Variants in NAALADL2 observed in about 807,000 individuals in gnomAD.
NAALADL2 encodes N-acetylated alpha-linked acidic dipeptidase like 2.
Under a neutral mutation model 87.2 loss-of-function variants are expected in NAALADL2, and 76 were observed. That is an observed-to-expected ratio of 0.87 (90% confidence interval 0.72 to 1.05). The LOEUF is 1.05. NAALADL2 is among the 50% of genes least tolerant of loss of function. The pLI, the probability that NAALADL2 is intolerant of heterozygous loss-of-function variation, is 0.00. For missense variants in NAALADL2, 1,089 were observed against 945.8 expected (o/e 1.15, Z -1.99); for synonymous variants, 354 against 331.0 (o/e 1.07, Z -0.75).
Position 175,076,879 on chromosome 3 carries a change from C to T in NAALADL2, c.44-19911C>T, listed in dbSNP as rs192538438. Reference sequence around the variant, plus strand: ...ATATTGTTCAAATATAGTTCTATAGCACAAGTGATATGTGTGTGCAGTTTT... The same window carrying T: ...ATATTGTTCAAATATAGTTCTATAGTACAAGTGATATGTGTGTGCAGTTTT... On this transcript the variant is annotated intron_variant, in intron 1 of 13. Transcript: ENST00000454872. Among the ~76,000 whole-genome samples the T allele has an allele frequency of 5.2e-3, 789 of 152,226 alleles. 6 individuals are homozygous for T. The highest frequency in any genetic ancestry group is 7.0e-3 in the Admixed American group (107 of 15,300).
intron 5 of NAALADL2, among the ~76,000 whole-genome samples, chr3:175,430,075 T>C (rs1033738585): frequency 3.3e-5 from 5 of 151,886 alleles, no homozygotes; most frequent in Admixed American, 2.0e-4. Flanking sequence ...TTATGTATTT[T>C]ACTTAGATAA....
intron 9 of NAALADL2, among the ~76,000 whole-genome samples, chr3:175,551,367 G>C (rs1247007678): frequency 6.6e-6 from 1 of 152,062 alleles, no homozygotes; most frequent in Non-Finnish European, 1.5e-5. Flanking sequence ...AAAAACGATA[G>C]AAATACAATA....
At chr3:175,236,347 A>G (rs1745861260) in intron 3 of NAALADL2, among the ~76,000 whole-genome samples, 1 of 151,938 alleles carries the variant, frequency 6.6e-6, no homozygotes, top group South Asian at 2.1e-4. Flanking sequence ...GGAGTTCGAG[A>G]CTAGCCTGAC....
chr3:175,341,141 G>A (rs551553231), intron 5 of NAALADL2, among the ~76,000 whole-genome samples: 3 of 152,076 alleles, frequency 2.0e-5, no homozygotes, highest in Admixed American at 6.6e-5. Context: ...AACTCTGTAC[G>A]CATTAGCAGT....
At chr3:175,711,845 G>T (rs911873641) in intron 11 of NAALADL2, among the ~76,000 whole-genome samples, 2 of 150,596 alleles carry the variant, frequency 1.3e-5, no homozygotes, top group African/African-American at 4.9e-5. Flanking sequence ...TTAAAAAAAT[G>T]AGATTAGTGT....
chr3:174,881,763 C>T (rs1399411615), intron 1 of NAALADL2, among the ~76,000 whole-genome samples: 1 of 152,112 alleles, frequency 6.6e-6, no homozygotes, highest in Non-Finnish European at 1.5e-5. Flanking sequence ...TGAGCATCTT[C>T]TTATGCTGCT....
intron 11 of NAALADL2, among the ~76,000 whole-genome samples, chr3:175,638,377 T>A (rs1728832828): frequency 6.6e-6 from 1 of 152,202 alleles, no homozygotes; most frequent in South Asian, 2.1e-4. Context: ...CAGATGCTCT[T>A]ACTAAAATGG....
At chr3:175,088,280 C>T (rs1352511803) in intron 1 of NAALADL2, among the ~76,000 whole-genome samples, 1 of 151,944 alleles carries the variant, frequency 6.6e-6, no homozygotes, top group Non-Finnish European at 1.5e-5. Context: ...CAGAATTTAC[C>T]CAATATAGAT....
intron 3 of NAALADL2, among the ~76,000 whole-genome samples, chr3:174,813,616 T>C (rs1720462369): frequency 6.6e-6 from 1 of 152,166 alleles, no homozygotes; most frequent in Admixed American, 6.5e-5. Flanking sequence ...TCAGAACTTA[T>C]CCTTGTTGAT....
chr3:174,461,970 A>C (rs1392055049), intron 1 of NAALADL2, among the ~76,000 whole-genome samples: 1 of 152,008 alleles, frequency 6.6e-6, no homozygotes, highest in African/African-American at 2.4e-5. Flanking sequence ...TTTGAGATGG[A>C]TATTGTGTGT....
At chr3:174,928,378 T>C (rs1736398156) in intron 1 of NAALADL2, among the ~76,000 whole-genome samples, 1 of 152,158 alleles carries the variant, frequency 6.6e-6, no homozygotes, top group Non-Finnish European at 1.5e-5. Context: ...TACCTGGGAT[T>C]ACAGGCACCT....
intron 13 of NAALADL2, among the ~76,000 whole-genome samples, chr3:175,760,163 G>A (rs1256443493): frequency 2.6e-5 from 4 of 152,084 alleles, no homozygotes; most frequent in East Asian, 3.9e-4. Context: ...TAAGAGTCTC[G>A]TTGCAGGTTG....
chr3:174,586,483 C>G (rs1578233646), intron 2 of NAALADL2, among the ~76,000 whole-genome samples: 1 of 152,138 alleles, frequency 6.6e-6, no homozygotes, highest in African/African-American at 2.4e-5. Context: ...GAACCAGCGA[C>G]GAGACCACAG....
At chr3:175,689,835 A>T (rs1475538827) in intron 11 of NAALADL2, among the ~76,000 whole-genome samples, 1 of 152,106 alleles carries the variant, frequency 6.6e-6, no homozygotes, top group Non-Finnish European at 1.5e-5. Flanking sequence ...CCCAGGGGGC[A>T]TTATTAGCTA....
At chr3:175,132,714 C>T (rs1416179049) in intron 2 of NAALADL2, among the ~76,000 whole-genome samples, 2 of 147,010 alleles carry the variant, frequency 1.4e-5, no homozygotes, top group Non-Finnish European at 3.0e-5. Context: ...AGGGGCTCCT[C>T]ACTTCCCAGT....
At chr3:175,627,935 G>A (rs1018949404) in intron 11 of NAALADL2, among the ~76,000 whole-genome samples, 4 of 148,770 alleles carry the variant, frequency 2.7e-5, no homozygotes, top group African/African-American at 9.8e-5. Flanking sequence ...AATAGGTAAG[G>A]TACTTGTTTA....
intron 2 of NAALADL2, among the ~76,000 whole-genome samples, chr3:175,146,406 A>G: frequency 6.6e-6 from 1 of 152,138 alleles, no homozygotes; most frequent in East Asian, 1.9e-4. Flanking sequence ...TATTGTGCTT[A>G]TTTGAGTTTT....
Position 175,803,250 on chromosome 3 carries a change from A to G in NAALADL2, c.*47A>G. 1 of 1,433,576 alleles carries G rather than the reference A, an allele frequency of 7.0e-7. No homozygotes were observed. The highest frequency in any genetic ancestry group is 9.5e-7 in the Non-Finnish European group (1 of 1,054,384). 88.8% of individuals were successfully genotyped at this position (1,433,576 alleles called of 1,614,324 possible). ...AAGTTTGTTTACAATTCCACAAGCAAAAGCTCTAATTTAACCAGATTTTCT... is the reference window on the plus strand; with the variant it reads ...AAGTTTGTTTACAATTCCACAAGCAGAAGCTCTAATTTAACCAGATTTTCT... On this transcript the variant is annotated 3_prime_UTR_variant, in exon 14 of 14. Transcript: ENST00000454872.
chr3:175,783,063 A>G (rs908507825), intron 13 of NAALADL2, among the ~76,000 whole-genome samples: 5 of 150,048 alleles, frequency 3.3e-5, no homozygotes, highest in Admixed American at 6.6e-5. Context: ...CCATTGATCT[A>G]TATCTCTGTT....
Sources: gnomAD v4.1 joint callset for allele counts (sites outside exome capture counted in the v4.1 genomes callset) on GRCh38, gnomAD v4.1.1 for gene constraint, MANE v1.5 for transcripts, NCBI Gene and HGNC (gene_info 2026-07-23, HGNC 2026-07-21) for gene names.